Variants in CMIP observed in about 807,000 individuals in gnomAD.
CMIP encodes c-Maf inducing protein, also known as C-Maf-inducing protein.
A neutral mutation model predicts 97.3 loss-of-function variants in CMIP; 13 were observed. That is an observed-to-expected ratio of 0.13 (90% CI 0.09 to 0.21). The LOEUF (loss-of-function observed/expected upper bound fraction) is 0.21. CMIP is among the 10% of genes least tolerant of loss of function. The probability of loss-of-function intolerance (pLI) is 1.00; values close to 1 mark genes in which losing one functional copy is unlikely to be tolerated. For missense variants in CMIP, 847 were observed against 1,024.9 expected (o/e 0.83, Z 2.37); for synonymous variants, 538 against 436.3 (o/e 1.23, Z -2.91).
chr16:81,696,858 C>A, intron 14 of CMIP, 191 bp downstream of exon 14: 3 of 612,514 alleles, frequency 4.9e-6, no homozygotes, highest in Non-Finnish European at 5.7e-6. Flanking sequence ...CATTTCTTAT[C>A]TGAGGCTCCA....
chr16:81,684,120 G>T (rs1207627421), intron 10 of CMIP, among the ~76,000 whole-genome samples: 2 of 152,152 alleles, frequency 1.3e-5, no homozygotes, highest in Non-Finnish European at 2.9e-5. Flanking sequence ...AAACTCAAAG[G>T]TCCCTGGAGC....
chr16:81,522,871 T>C (rs2090055159), intron 1 of CMIP, among the ~76,000 whole-genome samples: 1 of 152,144 alleles, frequency 6.6e-6, no homozygotes, highest in Admixed American at 6.6e-5. Flanking sequence ...ATTTAAAATA[T>C]TTTTACACAC....
intron 10 of CMIP, among the ~76,000 whole-genome samples, chr16:81,691,293 C>T (rs544768530): frequency 2.6e-5 from 4 of 152,336 alleles, no homozygotes; most frequent in South Asian, 2.1e-4. Flanking sequence ...CTGGTCTTTG[C>T]TCTGCGTGTC....
chr16:81,506,296 G>A (rs1182365040), intron 1 of CMIP, among the ~76,000 whole-genome samples: 2 of 152,122 alleles, frequency 1.3e-5, no homozygotes, highest in African/African-American at 4.8e-5. Flanking sequence ...CTGATTTGGG[G>A]TCTGAGAAGA....
chr16:81,505,659 C>G (rs190408576), intron 1 of CMIP, among the ~76,000 whole-genome samples: 6 of 152,350 alleles, frequency 3.9e-5, no homozygotes, highest in African/African-American at 1.2e-4. Context: ...AGCTGGGTCT[C>G]TCTTTGAGTC....
At chr16:81,520,995 G>T (rs1037726500) in intron 1 of CMIP, among the ~76,000 whole-genome samples, 1 of 152,164 alleles carries the variant, frequency 6.6e-6, no homozygotes, top group African/African-American at 2.4e-5. Flanking sequence ...TCAGAAAAAG[G>T]ACCCCCCGCC....
intron 5 of CMIP, among the ~76,000 whole-genome samples, chr16:81,658,778 G>A (rs1389966614): frequency 1.3e-5 from 2 of 152,258 alleles, no homozygotes; most frequent in Admixed American, 6.5e-5. Flanking sequence ...CCCAGGAGGG[G>A]ACCTTGGAAC....
Position 81,678,614 on chromosome 16 carries a change from A to T in CMIP, c.1374A>T (p.Glu458Asp). 1 of 1,576,454 alleles carries T rather than the reference A, an allele frequency of 6.3e-7. No homozygotes were observed. The highest frequency in any genetic ancestry group is 1.1e-5 in the South Asian group (1 of 89,604). The stretch of plus-strand genomic sequence containing the variant: ...ACCGCACGCTCGGCTGCTACGTGGA[A>T]ATCCTCAAGCTGCTGTGAGTGCCCC... ...QADRTLGCYV[E>D]ILKLLSDYDD... Residue 458 changes from glutamate to aspartate, a missense_variant, in exon 10 of 21, where the codon GAA (glutamate) becomes GAT (aspartate). Coordinates refer to ENST00000537098, the MANE Select transcript of CMIP (RefSeq NM_198390.3).
At position 81,711,245 on chromosome 16, in the gene CMIP, C is replaced by T. The variant is rs1015105461; in HGVS notation, c.*1446C>T. 2 of 152,418 alleles carry T rather than the reference C, an allele frequency of 1.3e-5. No individual in the cohort carries two copies. Among genetic ancestry groups the T allele is most frequent in the Non-Finnish European group, 2.9e-5 (2 of 68,030 alleles). 9.4% of individuals were successfully genotyped at this position (152,418 alleles called of 1,614,324 possible). A position where few individuals can be genotyped will look rare whatever the true frequency, so the allele number is the denominator to read the frequency against. ...CAAATACTTCCCTCCTCCGGCACCTCCAAACCTACCCCACAGTCAGTGTAC... is the reference window on the plus strand; with the variant it reads ...CAAATACTTCCCTCCTCCGGCACCTTCAAACCTACCCCACAGTCAGTGTAC... On this transcript the variant is annotated 3_prime_UTR_variant, in exon 21 of 21. Transcript: ENST00000537098.
At chr16:81,619,165 G>A (rs1443241061) in intron 2 of CMIP, 1 of 152,252 alleles carries the variant, frequency 6.6e-6, no homozygotes, top group African/African-American at 2.4e-5. Context: ...GTCACACGGA[G>A]GGCTTGCCTC....
chr16:81,544,490 A>G (rs935310714), intron 1 of CMIP, among the ~76,000 whole-genome samples: 11 of 149,754 alleles, frequency 7.3e-5, no homozygotes, highest in Non-Finnish European at 1.5e-4. Flanking sequence ...CCTTCTCCAA[A>G]CAGCCTGCCG....
At chr16:81,557,687 A>G (rs1007177361) in intron 1 of CMIP, among the ~76,000 whole-genome samples, 1 of 152,160 alleles carries the variant, frequency 6.6e-6, no homozygotes, top group Admixed American at 6.6e-5. Context: ...AGGTGGGAGG[A>G]TCGCCTAGTT....
chr16:81,472,981 C>A (rs917957442), intron 1 of CMIP, among the ~76,000 whole-genome samples: 2 of 152,226 alleles, frequency 1.3e-5, no homozygotes, highest in African/African-American at 2.4e-5. Flanking sequence ...GCGAGGAGAG[C>A]CTGTTCGCCT....
intron 1 of CMIP, chr16:81,534,014 A>G (rs1395362562): frequency 1.3e-5 from 2 of 152,250 alleles, no homozygotes; most frequent in Non-Finnish European, 2.9e-5. Flanking sequence ...GGTTCCAGGC[A>G]GGGCAGGAGA....
At position 81,652,390 on chromosome 16, in the gene CMIP, T is replaced by C. The variant is rs1234826531; in HGVS notation, c.639+26T>C. 2 of 1,594,942 alleles carry C rather than the reference T, an allele frequency of 1.3e-6. No homozygotes were observed. Among genetic ancestry groups the C allele is most frequent in the South Asian group, 1.1e-5 (1 of 89,288 alleles). On this transcript the variant is annotated intron_variant, in intron 4 of 20. Coordinates refer to ENST00000537098, the MANE Select transcript of CMIP (RefSeq NM_198390.3). The surrounding 1 kb of genome is among the most constrained non-coding windows in gnomAD (Gnocchi z 5.2). ...GTAAAACCCCTCCCCTGGACCCCTT[T>C]ACATTGTTTGCCTTTCCCTCCACCG... is the stretch of plus-strand genomic sequence containing the variant.
chr16:81,550,091 A>G (rs906625177), intron 1 of CMIP, among the ~76,000 whole-genome samples: 15 of 152,174 alleles, frequency 9.9e-5, no homozygotes, highest in African/African-American at 3.1e-4. Flanking sequence ...CCCCACCCCT[A>G]TGGCTGTAGG....
Position 81,444,889 on chromosome 16 carries a change from C to CA in CMIP, c.-352dup, listed in dbSNP as rs1238121508. ...CGGGGCCCCGAGACACGCCCGCCCC[C>CA]ACCCCGCCGCCCCCACCCCGGCGCC... On this transcript the variant is annotated 5_prime_UTR_variant, in exon 1 of 21. Coordinates refer to ENST00000537098, the MANE Select transcript of CMIP (RefSeq NM_198390.3). Among the ~76,000 whole-genome samples the CA allele has an allele frequency of 4.3e-5, 6 of 139,418 alleles. No homozygotes were observed. Among genetic ancestry groups the CA allele is most frequent in the Non-Finnish European group, 9.5e-5 (6 of 62,948 alleles). The allele number at this position is 139,418 out of a possible 152,430, so 91.5% of individuals were successfully genotyped here. A position where few individuals can be genotyped will look rare whatever the true frequency, so the allele number is the denominator to read the frequency against.
rs1486521550 is a variant in CMIP, at chr16:81,555,083, C to G, written c.301-52484C>G. ...CATCAGTCTTCCCAGCCACAGGGAA[C>G]TTTCCCACACACGCAAGGCCTCATC... On this transcript the variant is annotated intron_variant, in intron 1 of 20. Transcript: ENST00000537098. Among the ~76,000 whole-genome samples the G allele has an allele frequency of 2.0e-5, 3 of 152,172 alleles. No individual in the cohort carries two copies. The East Asian group carries it at 5.8e-4, about 29-fold the overall frequency.
rs188012831 is a variant in CMIP at position 81,498,356 on chromosome 16, C to T, written c.300+52815C>T. On this transcript the variant is annotated intron_variant, in intron 1 of 20. Transcript: ENST00000537098. ...CAGCTTCCTGAGGACGGTCCAGTGC[C>T]GGGGGCTGGGCACAGGCCTGAGTGA... Among the ~76,000 whole-genome samples, 312 of 152,304 alleles carry T rather than the reference C, an allele frequency of 2.0e-3. 1 individual carries two copies. The highest frequency in any genetic ancestry group is 3.1e-3 in the Admixed American group (47 of 15,304).
Sources: allele counts gnomAD v4.1 joint callset (sites outside exome capture counted in the v4.1 genomes callset), GRCh38; gene constraint gnomAD v4.1.1; non-coding constraint Gnocchi (gnomAD v3.1); transcripts MANE v1.5; gene names NCBI Gene and HGNC (gene_info 2026-07-23, HGNC 2026-07-21).